EFCAB6: variants seen among roughly 807,000 people sequenced by gnomAD.
EFCAB6 encodes EF-hand calcium-binding domain-containing protein 6.
EFCAB6 carries 156 observed loss-of-function variants against 169.8 expected under a neutral mutation model. That is an observed-to-expected ratio of 0.92 (90% CI 0.81 to 1.05). The LOEUF is 1.05. EFCAB6 is among the 50% of genes least tolerant of loss of function. EFCAB6 has a pLI of 0.00. For missense variants in EFCAB6, 1,800 were observed against 1,829.1 expected (o/e 0.98, Z 0.29); for synonymous variants, 698 against 676.4 (o/e 1.03, Z -0.50).
intron 2 of EFCAB6, among the ~76,000 whole-genome samples, chr22:43,796,216 A>G (rs2062504016): frequency 6.6e-6 from 1 of 152,032 alleles, no homozygotes. Flanking sequence ...GGTTTCCTTA[A>G]TGAACACCCT....
chr22:43,641,039 C>T lies in EFCAB6; in HGVS notation c.1984-5823G>A, dbSNP rs1053751868. Among the ~76,000 whole-genome samples the T allele has an allele frequency of 3.3e-5, 5 of 152,344 alleles. No individual in the cohort carries two copies. The East Asian group carries it at 9.6e-4, about 29-fold the overall frequency. On this transcript the variant is annotated intron_variant, in intron 17 of 31. Coordinates refer to ENST00000262726, the MANE Select transcript of EFCAB6 (RefSeq NM_022785.4). ...TTACTTCCATAGATAGTCCCTCGCACAGAACCTAACACATGGCAGGCACTC... is the reference window on the plus strand; with the variant it reads ...TTACTTCCATAGATAGTCCCTCGCATAGAACCTAACACATGGCAGGCACTC...
At chr22:43,734,929 A>C (rs1055847026) in intron 7 of EFCAB6, among the ~76,000 whole-genome samples, 7 of 152,140 alleles carry the variant, frequency 4.6e-5, no homozygotes, top group African/African-American at 1.7e-4. Context: ...ACCGGGACCC[A>C]TTTTCATAGC....
rs2060313355 is a variant in EFCAB6 at position 43,740,075 on chromosome 22, G to A, written c.508-4082C>T. Among the ~76,000 whole-genome samples the A allele has an allele frequency of 4.0e-5, 6 of 149,062 alleles. No homozygotes were observed. In the South Asian group the frequency reaches 1.3e-3, roughly 32 times the overall value. On this transcript the variant is annotated intron_variant, in intron 6 of 31. Transcript: ENST00000262726. ...TCCCCATGACTGCTCAGCCCCTCCC[G>A]CCTCAAGGCGCTGGCGCTTGCTGCT...
intron 27 of EFCAB6, chr22:43,554,638 T>G: frequency 1.9e-6 from 1 of 539,886 alleles, no homozygotes; most frequent in South Asian, 2.3e-5. Context: ...TTGAATTTGA[T>G]TTTAAAGGCA....
At chr22:43,591,201 C>T (rs1007633640) in intron 23 of EFCAB6, among the ~76,000 whole-genome samples, 12 of 150,144 alleles carry the variant, frequency 8.0e-5, no homozygotes, top group Non-Finnish European at 1.8e-4. Flanking sequence ...CTCACGCCCA[C>T]AATCCCAACA....
intron 2 of EFCAB6, among the ~76,000 whole-genome samples, chr22:43,793,100 C>T (rs1361888577): frequency 6.6e-6 from 1 of 152,088 alleles, no homozygotes; most frequent in Non-Finnish European, 1.5e-5. Flanking sequence ...AAGATAATCA[C>T]CCGGAAATGC....
intron 8 of EFCAB6, among the ~76,000 whole-genome samples, chr22:43,717,964 T>C (rs2059391183): frequency 3.3e-5 from 5 of 152,206 alleles, no homozygotes. Context: ...GGAAATGTTC[T>C]TTGCTATATA....
Position 43,540,051 on chromosome 22 carries a change from C to T in EFCAB6, c.3879+76G>A, listed in dbSNP as rs112538076. 19 of 1,540,420 alleles carry T rather than the reference C, an allele frequency of 1.2e-5. No homozygotes were observed. In the African/African-American group the frequency reaches 1.9e-4, roughly 15 times the overall value. ...ACTCAACCCTGGGCCATAGTAGGGC[C>T]CCCAAAGTCCCCCCAGTGGGATTTG... On this transcript the variant is annotated intron_variant, in intron 28 of 31. Coordinates refer to ENST00000262726, the MANE Select transcript of EFCAB6 (RefSeq NM_022785.4).
chr22:43,557,282 C>G (rs2048763726), intron 26 of EFCAB6, among the ~76,000 whole-genome samples: 1 of 152,196 alleles, frequency 6.6e-6, no homozygotes, highest in African/African-American at 2.4e-5. Flanking sequence ...AGTATTAAAG[C>G]ATGAAACTAA....
chr22:43,758,220 T>C (rs2061026935), intron 5 of EFCAB6, among the ~76,000 whole-genome samples: 1 of 152,204 alleles, frequency 6.6e-6, no homozygotes, highest in South Asian at 2.1e-4. Context: ...GTCTTTTAAC[T>C]GAAATATTTG....
At chr22:43,533,208 G>A (rs1028909843) in intron 30 of EFCAB6, among the ~76,000 whole-genome samples, 2 of 152,206 alleles carry the variant, frequency 1.3e-5, no homozygotes, top group East Asian at 1.9e-4. Context: ...CATGGTGGGT[G>A]TAGTTTCCGC....
chr22:43,728,992 G>C (rs778770619), intron 8 of EFCAB6, among the ~76,000 whole-genome samples: 1 of 152,236 alleles, frequency 6.6e-6, no homozygotes, highest in African/African-American at 2.4e-5. Flanking sequence ...CCACGCCTAT[G>C]TCCTGAATGG....
chr22:43,802,111 C>T (rs2062742986), intron 2 of EFCAB6, among the ~76,000 whole-genome samples: 1 of 152,116 alleles, frequency 6.6e-6, no homozygotes, highest in South Asian at 2.1e-4. Context: ...GATTATCAAG[C>T]AGTGTGAAAA....
chr22:43,623,892 G>C (rs1409264206), intron 20 of EFCAB6, among the ~76,000 whole-genome samples: 1 of 140,030 alleles, frequency 7.1e-6, no homozygotes, highest in African/African-American at 2.6e-5. Flanking sequence ...CTGGGTGACA[G>C]AGCGAGACTC....
intron 10 of EFCAB6, among the ~76,000 whole-genome samples, chr22:43,695,628 G>T (rs771093115): frequency 3.0e-4 from 46 of 152,050 alleles, no homozygotes; most frequent in Non-Finnish European, 3.5e-4. Flanking sequence ...CAGTACTGAT[G>T]CGAGAATAGA....
intron 7 of EFCAB6, among the ~76,000 whole-genome samples, chr22:43,734,051 G>A (rs1012466599): frequency 1.3e-5 from 2 of 152,122 alleles, no homozygotes; most frequent in Admixed American, 6.5e-5. Context: ...ACAAGGCCCA[G>A]GAGCTACTCT....
At chr22:43,640,038 C>T (rs1242955857) in intron 17 of EFCAB6, among the ~76,000 whole-genome samples, 2 of 152,066 alleles carry the variant, frequency 1.3e-5, no homozygotes, top group Non-Finnish European at 2.9e-5. Flanking sequence ...TATTTTCATT[C>T]ATTATGAGTA....
chr22:43,804,780 C>G (rs12169011), intron 2 of EFCAB6, among the ~76,000 whole-genome samples: 4,324 of 141,608 alleles, frequency 0.031, 252 homozygotes, highest in African/African-American at 0.11. Flanking sequence ...AAAAAAAAAT[C>G]AGAGGATAAA....
At chr22:43,705,566 G>A (rs1178969561) in intron 10 of EFCAB6, among the ~76,000 whole-genome samples, 1 of 151,750 alleles carries the variant, frequency 6.6e-6, no homozygotes, top group African/African-American at 2.4e-5. Flanking sequence ...ACCAATAATG[G>A]GGAATTTTGA....
Sources: allele counts gnomAD v4.1 joint callset (sites outside exome capture counted in the v4.1 genomes callset), GRCh38; gene constraint gnomAD v4.1.1; transcripts MANE v1.5; gene names NCBI Gene and HGNC (gene_info 2026-07-23, HGNC 2026-07-21).